NAE1: variants seen among roughly 807,000 people sequenced by gnomAD.
The protein encoded by NAE1 is NEDD8-activating enzyme E1 regulatory subunit.
A neutral mutation model predicts 88.0 loss-of-function variants in NAE1; 59 were observed. That is an observed-to-expected ratio of 0.67 (90% CI 0.54 to 0.83). The LOEUF is 0.83. Ranked by LOEUF, NAE1 falls within the 40% of genes least tolerant of loss-of-function variation. NAE1 has a pLI of 0.00. For missense variants in NAE1, 554 were observed against 632.8 expected (o/e 0.88, Z 1.34); for synonymous variants, 186 against 208.9 (o/e 0.89, Z 0.95).
chr16:66,827,308 C>T (rs1249769936), intron 1 of NAE1, among the ~76,000 whole-genome samples: 1 of 152,056 alleles, frequency 6.6e-6, no homozygotes, highest in African/African-American at 2.4e-5. Context: ...GTGGCTCACA[C>T]CTGTAATCCC....
At position 66,803,107 on chromosome 16, in the gene NAE1, G is replaced by C. The variant is rs1401808620; in HGVS notation, c.1507C>G (p.Gln503Glu). 6.2e-7 allele frequency: 1 copy of C among 1,603,752 alleles called. No individual in the cohort carries two copies. The highest frequency in any genetic ancestry group is 8.5e-7 in the Non-Finnish European group (1 of 1,172,146). Residue 503 changes from glutamine to glutamate, a missense_variant, in exon 20 of 20, where the codon CAA becomes GAA. Gln to Glu is a conservative substitution (Grantham distance 29). Coordinates refer to ENST00000290810, the MANE Select transcript of NAE1 (RefSeq NM_003905.4). Reference sequence around the variant, plus strand: ...TTGGTGATTATTTTGATGACCTCTTGAGCAGCAGCTCCTGAAAGGAAAAAG... The same window carrying C: ...TTGGTGATTATTTTGATGACCTCTTCAGCAGCAGCTCCTGAAAGGAAAAAG... ...IAAFLGGAAA[Q>E]EVIKIITKQF...
At position 66,818,599 on chromosome 16, in the gene NAE1, G is replaced by C; in HGVS notation, c.550C>G (p.Arg184Gly). Residue 184 changes from arginine to glycine, a missense_variant, in exon 8 of 20, where the codon CGA becomes GGA. Transcript: ENST00000290810. ...AGTTCAGGAAATGGCTTATCTAGTC[G>C]TAGATCCTCTAATGCATTATCTGGA... ...SHPDNALEDL[R>G]LDKPFPELRE... is the part of the protein sequence containing the mutation. 1 of 1,612,244 alleles carries C rather than the reference G, an allele frequency of 6.2e-7. No individual in the cohort carries two copies.
intron 1 of NAE1, among the ~76,000 whole-genome samples, chr16:66,827,253 C>T (rs1367690051): frequency 1.3e-5 from 2 of 151,874 alleles, no homozygotes; most frequent in African/African-American, 4.8e-5. Context: ...CCGTGCCCAG[C>T]CCTATTTCAT....
chr16:66,804,650 A>G (rs556967844), intron 19 of NAE1, among the ~76,000 whole-genome samples: 1 of 152,140 alleles, frequency 6.6e-6, no homozygotes, highest in African/African-American at 2.4e-5. Flanking sequence ...GGTGTTATGG[A>G]CTGAATGGTT....
chr16:66,825,385 T>G (rs912779512), intron 3 of NAE1, among the ~76,000 whole-genome samples: 1 of 149,958 alleles, frequency 6.7e-6, no homozygotes, highest in African/African-American at 2.5e-5. Flanking sequence ...AGGCAGAGCT[T>G]GCAGTGAGCC....
At chr16:66,817,204 C>T in intron 9 of NAE1, 176 bp from the exon 10 acceptor site, 1 of 945,404 alleles carries the variant, frequency 1.1e-6, no homozygotes. Context: ...TACATTCATT[C>T]CCCCTGCCAG....
chr16:66,815,548 G>C (rs559692915), intron 11 of NAE1, among the ~76,000 whole-genome samples: 58 of 152,164 alleles, frequency 3.8e-4, no homozygotes, highest in Admixed American at 1.2e-3. Flanking sequence ...GTAGAGACAA[G>C]ATCTCCCTAC....
chr16:66,815,177 A>T (rs1959993338), intron 11 of NAE1, among the ~76,000 whole-genome samples: 1 of 152,116 alleles, frequency 6.6e-6, no homozygotes, highest in Non-Finnish European at 1.5e-5. Flanking sequence ...CTGTTTATTT[A>T]GCTTACTGCC....
At chr16:66,803,364 TC>T (rs940215305) in intron 19 of NAE1, among the ~76,000 whole-genome samples, 26 of 152,296 alleles carry the variant, frequency 1.7e-4, no homozygotes, top group African/African-American at 6.0e-4. Context: ...TAAAAGATTC[TC>T]AAAGGACACC....
intron 1 of NAE1, chr16:66,828,066 T>C (rs544274907): frequency 7.4e-6 from 12 of 1,613,114 alleles, no homozygotes; most frequent in Non-Finnish European, 1.0e-5. Context: ...GTCAAATGTA[T>C]GGAGGAATCG....
intron 3 of NAE1, among the ~76,000 whole-genome samples, chr16:66,825,697 C>A (rs2145352700): frequency 1.3e-5 from 2 of 152,210 alleles, no homozygotes; most frequent in Middle Eastern, 6.8e-3. Context: ...GTAACTGTAA[C>A]AGATTTATTC....
intron 13 of NAE1, among the ~76,000 whole-genome samples, chr16:66,811,528 A>G (rs975243070): frequency 5.3e-5 from 8 of 151,394 alleles, no homozygotes; most frequent in Non-Finnish European, 1.0e-4. Context: ...TTATGAGAGG[A>G]AAAAAAAACC....
intron 3 of NAE1, among the ~76,000 whole-genome samples, chr16:66,825,274 C>A (rs1259093242): frequency 1.3e-5 from 2 of 151,934 alleles, no homozygotes; most frequent in African/African-American, 4.8e-5. Context: ...AGTGAAACCC[C>A]GTCTCTATTA....
chr16:66,807,612 C>T (rs1225667592), intron 17 of NAE1, among the ~76,000 whole-genome samples: 3 of 151,618 alleles, frequency 2.0e-5, no homozygotes, highest in African/African-American at 7.3e-5. Context: ...TGCACTCCAG[C>T]CTGGGCGACA....
chr16:66,816,760 C>T, intron 10 of NAE1, 88 bp from the exon 11 acceptor site: 1 of 1,292,276 alleles, frequency 7.7e-7, no homozygotes. Flanking sequence ...TCAGATCCTG[C>T]AGAATATTAA....
At chr16:66,803,238 CAGATG>C in intron 19 of NAE1, 120 bp from the exon 20 acceptor site, 1 of 643,424 alleles carries the variant, frequency 1.6e-6, no homozygotes, top group South Asian at 1.9e-5. Context: ...TGACCCAAAA[CAGATG>C]CAGTTAGCTT....
intron 8 of NAE1, 148 bp from the exon 9 acceptor site, chr16:66,817,635 T>A: frequency 1.8e-6 from 1 of 559,256 alleles, no homozygotes; most frequent in East Asian, 3.4e-5. Flanking sequence ...TAATAAAAAC[T>A]GCTTTACAAA....
chr16:66,824,541 G>A (rs553488872), intron 4 of NAE1: 44 of 176,258 alleles, frequency 2.5e-4, no homozygotes, highest in East Asian at 6.5e-4. Context: ...GCAGTGAGTC[G>A]AGATCGCGCC....
intron 15 of NAE1, among the ~76,000 whole-genome samples, 183 bp from the exon 16 acceptor site, chr16:66,809,258 T>C (rs988056408): frequency 6.6e-6 from 1 of 152,224 alleles, no homozygotes; most frequent in Non-Finnish European, 1.5e-5. Context: ...CTTAAATTTA[T>C]ATCCCTGGCA....
Sources: gnomAD v4.1 joint callset for allele counts (sites outside exome capture counted in the v4.1 genomes callset) on GRCh38, gnomAD v4.1.1 for gene constraint, MANE v1.5 for transcripts, NCBI Gene and HGNC (gene_info 2026-07-23, HGNC 2026-07-21) for gene names.